TC2N: variants seen among roughly 807,000 people sequenced by gnomAD.
TC2N encodes the protein tandem C2 domains, nuclear, also known as tandem C2 domains nuclear protein.
In TC2N, 51 loss-of-function variants were observed where a neutral mutation model predicts 61.9. The ratio of observed to expected loss-of-function variants is 0.82; its 90% confidence interval spans 0.66 to 1.04. The LOEUF (loss-of-function observed/expected upper bound fraction) is 1.04. TC2N is among the 50% of genes least tolerant of loss of function. The pLI is 0.00. For missense variants in TC2N, 556 were observed against 566.7 expected (o/e 0.98, Z 0.19); for synonymous variants, 204 against 192.6 (o/e 1.06, Z -0.49).
chr14:91,866,210 A>G (rs1888699355), intron 1 of TC2N: 2 of 152,228 alleles, frequency 1.3e-5, no homozygotes, highest in African/African-American at 4.8e-5. Flanking sequence ...GTAACCACCC[A>G]GGCCACAAAA....
At chr14:91,862,481 T>C (rs989283839) in intron 1 of TC2N, among the ~76,000 whole-genome samples, 3 of 152,188 alleles carry the variant, frequency 2.0e-5, no homozygotes, top group Non-Finnish European at 4.4e-5. Flanking sequence ...AACAGGTTTG[T>C]TGGTCTTTGT....
intron 1 of TC2N, among the ~76,000 whole-genome samples, chr14:91,855,826 G>A (rs1286282954): frequency 1.3e-5 from 2 of 152,140 alleles, no homozygotes; most frequent in African/African-American, 2.4e-5. Flanking sequence ...TGAACCAAAC[G>A]AATTCAAGGG....
intron 1 of TC2N, among the ~76,000 whole-genome samples, chr14:91,843,185 A>T (rs758939686): frequency 6.6e-6 from 1 of 152,128 alleles, no homozygotes; most frequent in Non-Finnish European, 1.5e-5. Flanking sequence ...AGAACAGCTA[A>T]TCCCCAGCTG....
chr14:91,840,846 G>A (rs1888150272), intron 1 of TC2N, among the ~76,000 whole-genome samples: 1 of 151,880 alleles, frequency 6.6e-6, no homozygotes, highest in African/African-American at 2.4e-5. Flanking sequence ...ACTAAACTAA[G>A]GTAACAATGG....
intron 1 of TC2N, among the ~76,000 whole-genome samples, chr14:91,842,212 TG>T (rs1888177091): frequency 6.6e-6 from 1 of 152,152 alleles, no homozygotes; most frequent in African/African-American, 2.4e-5. Flanking sequence ...CTCAAACTCC[TG>T]GGTTCAAGCC....
intron 1 of TC2N, among the ~76,000 whole-genome samples, chr14:91,859,535 T>C (rs1236315786): frequency 6.6e-6 from 1 of 152,152 alleles, no homozygotes; most frequent in Non-Finnish European, 1.5e-5. Context: ...GACCACCTAC[T>C]ATGGGCCAGG....
At chr14:91,832,662 T>A (rs1887833564) in intron 1 of TC2N, among the ~76,000 whole-genome samples, 1 of 152,150 alleles carries the variant, frequency 6.6e-6, no homozygotes, top group Non-Finnish European at 1.5e-5. Context: ...TATAAACTGG[T>A]ACAGCCACTT....
chr14:91,811,013 ACTGACATATACTTTTGT>A (rs1427700217), intron 3 of TC2N, among the ~76,000 whole-genome samples: 1 of 152,138 alleles, frequency 6.6e-6, no homozygotes, highest in African/African-American at 2.4e-5. Flanking sequence ...TTTGGATTAC[ACTGACATATACTTTTGT>A]CAATATTCAA....
At chr14:91,800,999 T>C (rs965370706) in intron 4 of TC2N, among the ~76,000 whole-genome samples, 133 of 151,092 alleles carry the variant, frequency 8.8e-4, no homozygotes, top group African/African-American at 3.1e-3. Context: ...TACACACACA[T>C]ATGTATACAT....
intron 1 of TC2N, among the ~76,000 whole-genome samples, chr14:91,847,631 G>A (rs951334053): frequency 2.1e-4 from 32 of 152,298 alleles, no homozygotes; most frequent in Admixed American, 4.6e-4. Context: ...TGAGGGAGCC[G>A]TCTTGGAAGT....
Position 91,795,763 on chromosome 14 carries a change from C to T in TC2N, c.855+2022G>A, listed in dbSNP as rs536703995. 2.6e-5 allele frequency among the ~76,000 whole-genome samples: 4 copies of T among 152,094 alleles called. No individual in the cohort carries two copies. In the South Asian group the frequency reaches 6.2e-4, roughly 24 times the overall value. On this transcript the variant is annotated intron_variant, in intron 8 of 11. Transcript: ENST00000435962. Reference sequence around the variant, plus strand: ...TCTGGAACTGAACCTACAGTATCTCCGAAGTATGCCTATACTGTGCCCAAA... The same window carrying T: ...TCTGGAACTGAACCTACAGTATCTCTGAAGTATGCCTATACTGTGCCCAAA...
In TC2N at chr14:91,800,395, T is replaced by C. The variant is rs200791771; in HGVS notation, c.470-23A>G. The C allele has an allele frequency of 6.3e-5, 86 of 1,371,684 alleles. No homozygotes were observed. The Admixed American group carries it at 8.9e-4, about 14-fold the overall frequency. 85.0% of individuals were successfully genotyped at this position (1,371,684 alleles called of 1,614,324 possible). On this transcript the variant is annotated intron_variant, in intron 4 of 11. Transcript: ENST00000435962. The stretch of plus-strand genomic sequence containing the variant: ...AAACTACAAAGGGATATGAGAAAAG[T>C]ATATATTTTTAAGAAACACTGGAAT...
chr14:91,783,237 T>C (rs1233994802), intron 11 of TC2N, 27 bp from the exon 12 acceptor site: 1 of 1,280,008 alleles, frequency 7.8e-7, no homozygotes, highest in Non-Finnish European at 1.1e-6. Flanking sequence ...GTACAATCAT[T>C]TAACTTGACA....
At chr14:91,825,062 G>C (rs1401897172) in intron 1 of TC2N, among the ~76,000 whole-genome samples, 1 of 104,764 alleles carries the variant, frequency 9.5e-6, no homozygotes, top group Non-Finnish European at 1.7e-5. Flanking sequence ...TGGAGATGGA[G>C]TCTCGCTCTG....
intron 1 of TC2N, among the ~76,000 whole-genome samples, chr14:91,829,441 T>C (rs927500499): frequency 2.0e-5 from 3 of 152,160 alleles, no homozygotes; most frequent in Non-Finnish European, 4.4e-5. Context: ...AATCTCTTTG[T>C]GGAGTACATC....
At chr14:91,847,823 C>A (rs1320593904) in intron 1 of TC2N, among the ~76,000 whole-genome samples, 1 of 152,212 alleles carries the variant, frequency 6.6e-6, no homozygotes, top group East Asian at 1.9e-4. Context: ...ATATGGTTAA[C>A]CTATGAGGAA....
At chr14:91,805,440 G>T (rs1018365739) in intron 3 of TC2N, among the ~76,000 whole-genome samples, 49 of 152,344 alleles carry the variant, frequency 3.2e-4, no homozygotes, top group African/African-American at 1.1e-3. Flanking sequence ...AGGGCGAGGT[G>T]GGCAGATCAC....
At chr14:91,787,024 AG>A (rs1885398940) in intron 10 of TC2N, among the ~76,000 whole-genome samples, 2 of 152,168 alleles carry the variant, frequency 1.3e-5, no homozygotes, top group South Asian at 4.2e-4. Context: ...AGTAGGGAAA[AG>A]GGGCACTTCT....
At chr14:91,798,102 A>G (rs1886002262) in intron 7 of TC2N, among the ~76,000 whole-genome samples, 197 bp downstream of exon 7, 1 of 151,996 alleles carries the variant, frequency 6.6e-6, no homozygotes, top group African/African-American at 2.4e-5. Context: ...TGAGCTTAAA[A>G]ACACACATAC....
Sources: gnomAD v4.1 joint callset for allele counts (sites outside exome capture counted in the v4.1 genomes callset) on GRCh38, gnomAD v4.1.1 for gene constraint, MANE v1.5 for transcripts, NCBI Gene and HGNC (gene_info 2026-07-23, HGNC 2026-07-21) for gene names.